The following FAM20A variants were observed in gnomAD, a reference collection of about 807,000 sequenced individuals.
The protein encoded by FAM20A is FAM20A golgi associated secretory pathway pseudokinase, also known as pseudokinase FAM20A.
FAM20A carries 42 observed loss-of-function variants against 52.0 expected under a neutral mutation model. That is an observed-to-expected ratio of 0.81 (90% confidence interval 0.63 to 1.04). The LOEUF is 1.04. Among genes scored for constraint, FAM20A ranks in the 50% least tolerant of loss-of-function variants. The pLI is 0.00. For missense variants in FAM20A, 742 were observed against 712.7 expected (o/e 1.04, Z -0.47); for synonymous variants, 304 against 298.9 (o/e 1.02, Z -0.18).
In FAM20A at chr17:68,540,811, A is replaced by G. The variant is rs1222937052; in HGVS notation, c.1219+38T>C. On this transcript the variant is annotated intron_variant, in intron 8 of 10. Coordinates refer to ENST00000592554, the MANE Select transcript of FAM20A (RefSeq NM_017565.4). ...ACGGGGAACCCTAGCCACATAGCAG[A>G]GCCCACTTCTGCTGGGGGCCTGCGT... The G allele has an allele frequency of 2.6e-6, 4 of 1,565,788 alleles. No individual in the cohort carries two copies. The East Asian group carries it at 7.0e-5, about 27-fold the overall frequency.
intron 1 of FAM20A, among the ~76,000 whole-genome samples, chr17:68,573,604 CTCTT>C (rs1016599812): frequency 6.8e-6 from 1 of 147,218 alleles, no homozygotes. Flanking sequence ...TTCTTTCTCT[CTCTT>C]TTCTTCCTTC....
At position 68,553,140 on chromosome 17, in the gene FAM20A, C is replaced by T. The variant is rs113420694; in HGVS notation, c.641-1189G>A. 4.6e-5 allele frequency among the ~76,000 whole-genome samples: 7 copies of T among 152,172 alleles called. No homozygotes were observed. In the South Asian group the frequency reaches 1.0e-3, roughly 23 times the overall value. ...GATCATGGGGCAGCTTCCCCTGTGC[C>T]GTTCTTGTGATAGTGAGTTCTCACG... is the stretch of plus-strand genomic sequence containing the variant. On this transcript the variant is annotated intron_variant, in intron 3 of 10. Transcript: ENST00000592554.
intron 6 of FAM20A, 70 bp downstream of exon 6, chr17:68,542,624 G>T: frequency 1.7e-6 from 2 of 1,187,268 alleles, no homozygotes; most frequent in Non-Finnish European, 1.3e-6. Flanking sequence ...GGCCACTGAT[G>T]AATGGAGGGG....
At chr17:68,564,362 T>G (rs1029940050) in intron 1 of FAM20A, among the ~76,000 whole-genome samples, 20 of 152,212 alleles carry the variant, frequency 1.3e-4, no homozygotes, top group African/African-American at 4.6e-4. Context: ...TTTTTAATCA[T>G]GATTTTTACC....
chr17:68,592,965 G>C (rs1038673714), intron 1 of FAM20A, among the ~76,000 whole-genome samples: 1 of 152,222 alleles, frequency 6.6e-6, no homozygotes, highest in African/African-American at 2.4e-5. Flanking sequence ...TACAGGGATT[G>C]AAAGTCAGGG....
chr17:68,580,852 A>G (rs922456111), intron 1 of FAM20A, among the ~76,000 whole-genome samples: 3 of 152,174 alleles, frequency 2.0e-5, no homozygotes, highest in Non-Finnish European at 4.4e-5. Context: ...TATTATTATT[A>G]TTACCACCAT....
chr17:68,542,205 C>A (rs1216392532), intron 6 of FAM20A, 40 bp from the exon 7 acceptor site: 1 of 1,608,868 alleles, frequency 6.2e-7, no homozygotes, highest in Non-Finnish European at 8.5e-7. Flanking sequence ...AAGTGGAGGG[C>A]TCTGGAGGCA....
At chr17:68,558,807 A>G (rs778728708) in intron 1 of FAM20A, among the ~76,000 whole-genome samples, 45 of 151,772 alleles carry the variant, frequency 3.0e-4, no homozygotes, top group Non-Finnish European at 5.1e-4. Context: ...TGCCTAGGCT[A>G]GAGTGCAATG....
chr17:68,555,469 A>G, intron 2 of FAM20A, 90 bp downstream of exon 2: 5 of 1,420,844 alleles, frequency 3.5e-6, no homozygotes, highest in Non-Finnish European at 5.0e-6. Context: ...CAAGCCTCTA[A>G]TGTTCCACTC....
At chr17:68,558,739 C>T (rs1006564685) in intron 1 of FAM20A, among the ~76,000 whole-genome samples, 1 of 151,708 alleles carries the variant, frequency 6.6e-6, no homozygotes, top group African/African-American at 2.4e-5. Context: ...TTCCTTCCTC[C>T]CTCCCTCCTT....
At chr17:68,581,751 T>C (rs992582849) in intron 1 of FAM20A, among the ~76,000 whole-genome samples, 2 of 151,856 alleles carry the variant, frequency 1.3e-5, no homozygotes, top group Admixed American at 1.3e-4. Flanking sequence ...AATTTTTGTA[T>C]TTTTAGTAGA....
At position 68,536,554 on chromosome 17, in the gene FAM20A, C is replaced by G; in HGVS notation, c.*923G>C. On this transcript the variant is annotated 3_prime_UTR_variant, in exon 11 of 11. Transcript: ENST00000592554. ...TCACAGGGAGGGGCATCTAGAGGGC[C>G]TCACCTTTCCACATAGCCCCTTTCT... The G allele has an allele frequency of 2.2e-6, 1 of 454,052 alleles. No individual in the cohort carries two copies. The highest frequency in any genetic ancestry group is 7.0e-5 in the East Asian group (1 of 14,382). The allele number at this position is 454,052 out of a possible 1,614,324, so 28.1% of individuals were successfully genotyped here. A position where few individuals can be genotyped will look rare whatever the true frequency, so the allele number is the denominator to read the frequency against.
intron 10 of FAM20A, among the ~76,000 whole-genome samples, chr17:68,538,988 G>C (rs2086178447): frequency 6.6e-6 from 1 of 152,232 alleles, no homozygotes. Context: ...CCTAGATGGT[G>C]TAGCCTCCTG....
At chr17:68,564,808 C>T (rs542440532) in intron 1 of FAM20A, among the ~76,000 whole-genome samples, 33 of 152,106 alleles carry the variant, frequency 2.2e-4, no homozygotes, top group East Asian at 7.7e-4. Context: ...GAGCTGAGGG[C>T]GTGAGGAGGG....
chr17:68,582,780 ATTTTTT>A (rs34025800), intron 1 of FAM20A, among the ~76,000 whole-genome samples: 4 of 79,832 alleles, frequency 5.0e-5, no homozygotes, highest in African/African-American at 1.6e-4. Flanking sequence ...GCCAGGATTA[ATTTTTT>A]TTTTTTTTTT....
chr17:68,563,508 C>T (rs1047081708), intron 1 of FAM20A, among the ~76,000 whole-genome samples: 1 of 151,922 alleles, frequency 6.6e-6, no homozygotes, highest in Non-Finnish European at 1.5e-5. Context: ...AGGACAGAAT[C>T]TCGTCTGCCC....
chr17:68,573,610 TCTTC>T (rs1426092676), intron 1 of FAM20A, among the ~76,000 whole-genome samples: 1 of 150,896 alleles, frequency 6.6e-6, no homozygotes, highest in Non-Finnish European at 1.5e-5. Flanking sequence ...CTCTCTCTTT[TCTTC>T]CTTCCTTCCC....
At chr17:68,551,993 TCAG>T (rs749198203) in intron 3 of FAM20A, 42 bp from the exon 4 acceptor site, 132 of 1,336,208 alleles carry the variant, frequency 9.9e-5, no homozygotes, top group Middle Eastern at 1.8e-4. Flanking sequence ...CTTCCGGGCC[TCAG>T]CCAAGGCTTG....
At chr17:68,583,645 G>A (rs539625521) in intron 1 of FAM20A, among the ~76,000 whole-genome samples, 1 of 152,246 alleles carries the variant, frequency 6.6e-6, no homozygotes, top group African/African-American at 2.4e-5. Context: ...GGCTGGTTGC[G>A]GTGGCTCATG....
Sources: gnomAD v4.1 joint callset for allele counts (sites outside exome capture counted in the v4.1 genomes callset) on GRCh38, gnomAD v4.1.1 for gene constraint, MANE v1.5 for transcripts, NCBI Gene and HGNC (gene_info 2026-07-23, HGNC 2026-07-21) for gene names.